The following COL28A1 variants were observed in gnomAD, a reference collection of about 807,000 sequenced individuals.
COL28A1 encodes collagen type XXVIII alpha 1 chain.
In COL28A1, 161 loss-of-function variants were observed where a neutral mutation model predicts 150.2. The ratio of observed to expected loss-of-function variants is 1.07; its 90% confidence interval spans 0.94 to 1.22. COL28A1 has a LOEUF of 1.22. Ranked by LOEUF, COL28A1 falls within the 50% of genes most tolerant of loss-of-function variation. The probability of loss-of-function intolerance (pLI) is 0.00; values close to 1 mark genes in which losing one functional copy is unlikely to be tolerated. For synonymous variants in COL28A1, 552 were observed against 469.7 expected (o/e 1.18, Z -2.26); for missense variants, 1,617 against 1,388.3 (o/e 1.16, Z -2.62).
In COL28A1 at chr7:7,466,515, A is replaced by T. The variant is rs1167333918; in HGVS notation, c.1302+8086T>A. Among the ~76,000 whole-genome samples the T allele has an allele frequency of 1.9e-4, 18 of 97,074 alleles. 3 individuals carry two copies. Among genetic ancestry groups the T allele is most frequent in the Admixed American group, 4.0e-4 (4 of 10,110 alleles). The allele number at this position is 97,074 out of a possible 152,430, so 63.7% of individuals were successfully genotyped here. A position where few individuals can be genotyped will look rare whatever the true frequency, so the allele number is the denominator to read the frequency against. ...TGAAAGTGATGTGGAGAATGGAACC[A>T]ACTTGGAAAACACTCTGCAGGATAT... On this transcript the variant is annotated intron_variant, in intron 15 of 34. Coordinates refer to ENST00000399429, the MANE Select transcript of COL28A1 (RefSeq NM_001037763.3).
chr7:7,438,320 GGA>G (rs138962531), intron 21 of COL28A1, among the ~76,000 whole-genome samples: 2,344 of 152,266 alleles, frequency 0.015, 69 homozygotes, highest in African/African-American at 0.054. Context: ...ATTTAGTGGG[GGA>G]GATGTCTAAT....
intron 27 of COL28A1, among the ~76,000 whole-genome samples, chr7:7,384,981 G>T (rs1445732454): frequency 1.3e-5 from 2 of 152,182 alleles, no homozygotes; most frequent in African/African-American, 4.8e-5. Flanking sequence ...TCTAATAGGA[G>T]TGGATCTGCA....
intron 27 of COL28A1, among the ~76,000 whole-genome samples, chr7:7,410,682 A>G (rs966686822): frequency 6.6e-6 from 1 of 151,838 alleles, no homozygotes; most frequent in Admixed American, 6.6e-5. Flanking sequence ...TGCAGTCAAG[A>G]AGGAGAAAAA....
chr7:7,408,498 A>G (rs766921067), intron 27 of COL28A1, among the ~76,000 whole-genome samples: 9 of 152,192 alleles, frequency 5.9e-5, no homozygotes, highest in Non-Finnish European at 1.2e-4. Context: ...TAGATTACAT[A>G]CTATGCACTA....
intron 16 of COL28A1, among the ~76,000 whole-genome samples, chr7:7,455,376 A>G (rs1049045454): frequency 1.5e-4 from 23 of 152,204 alleles, no homozygotes; most frequent in Non-Finnish European, 3.2e-4. Context: ...CTATCTTCAC[A>G]TTATTTAGAT....
intron 9 of COL28A1, among the ~76,000 whole-genome samples, chr7:7,509,129 C>A (rs573743973): frequency 6.6e-6 from 1 of 151,846 alleles, no homozygotes; most frequent in African/African-American, 2.4e-5. Context: ...CCACCACGCC[C>A]AGCCTATTTT....
At chr7:7,443,029 C>T (rs1006336608) in intron 20 of COL28A1, among the ~76,000 whole-genome samples, 2 of 139,272 alleles carry the variant, frequency 1.4e-5, no homozygotes, top group African/African-American at 2.9e-5. Flanking sequence ...AGTGAGACTC[C>T]GTCTCAAAAA....
chr7:7,511,604 G>C, intron 8 of COL28A1: 1 of 318,724 alleles, frequency 3.1e-6, no homozygotes, highest in South Asian at 2.8e-5. Flanking sequence ...ACTTTAACTT[G>C]GAATTCCTAT....
At chr7:7,450,326 A>G (rs1389832005) in intron 18 of COL28A1, among the ~76,000 whole-genome samples, 1 of 152,202 alleles carries the variant, frequency 6.6e-6, no homozygotes, top group Non-Finnish European at 1.5e-5. Flanking sequence ...AGAAAAATGC[A>G]TAAGAATATC....
At chr7:7,493,046 CATT>C (rs1780012254) in intron 11 of COL28A1, among the ~76,000 whole-genome samples, 1 of 142,944 alleles carries the variant, frequency 7.0e-6, no homozygotes, top group Non-Finnish European at 1.5e-5. Flanking sequence ...ATATATATAA[CATT>C]AATATATAAT....
chr7:7,439,130 G>T (rs1049581710), intron 21 of COL28A1, among the ~76,000 whole-genome samples: 2 of 152,136 alleles, frequency 1.3e-5, no homozygotes, highest in East Asian at 3.8e-4. Flanking sequence ...CAGTCATCCT[G>T]CTTCCTCCAG....
intron 21 of COL28A1, among the ~76,000 whole-genome samples, chr7:7,440,086 TG>T (rs1785651719): frequency 6.6e-6 from 1 of 152,214 alleles, no homozygotes; most frequent in Admixed American, 6.5e-5. Flanking sequence ...ACCTTAATGG[TG>T]GGTCTCTGAG....
intron 27 of COL28A1, among the ~76,000 whole-genome samples, chr7:7,398,491 C>A (rs1782974829): frequency 6.6e-6 from 1 of 152,180 alleles, no homozygotes; most frequent in Non-Finnish European, 1.5e-5. Flanking sequence ...TTTTGATTTT[C>A]TATCCAATTC....
At position 7,477,174 on chromosome 7, in the gene COL28A1, G is replaced by A. The variant is rs373776262; in HGVS notation, c.1171C>T (p.Arg391Cys). 1.2e-5 allele frequency: 15 copies of A among 1,234,132 alleles called. No individual in the cohort carries two copies. Among genetic ancestry groups the A allele is most frequent in the African/African-American group, 8.8e-5 (6 of 67,834 alleles). The allele number at this position is 1,234,132 out of a possible 1,614,324, so 76.4% of individuals were successfully genotyped here. Residue 391 changes from arginine to cysteine, a missense_variant, in exon 14 of 35, where the codon CGT (arginine) becomes TGT (cysteine). Arg to Cys is a radical substitution (Grantham distance 180). Coordinates refer to ENST00000399429, the MANE Select transcript of COL28A1 (RefSeq NM_001037763.3). ...GVGEPGQPGP[R>C]GPEGVPGERG... ...TCTCCTGGTACTCCCTCAGGACCAC[G>A]GGGACCCTGGTTAGGATAGGAGAAA... is the stretch of plus-strand genomic sequence containing the variant.
intron 27 of COL28A1, among the ~76,000 whole-genome samples, chr7:7,383,390 T>C (rs1781992980): frequency 6.6e-6 from 1 of 151,290 alleles, no homozygotes; most frequent in African/African-American, 2.4e-5. Flanking sequence ...GCGATTCTCC[T>C]GCCTCAGCCT....
intron 27 of COL28A1, among the ~76,000 whole-genome samples, chr7:7,409,459 A>AG (rs1404692321): frequency 6.6e-6 from 1 of 152,048 alleles, no homozygotes; most frequent in Non-Finnish European, 1.5e-5. Flanking sequence ...GGAAAAGGAG[A>AG]GAAAAAAAAC....
Position 7,369,199 on chromosome 7 carries a change from C to G in COL28A1, c.3066+1526G>C, listed in dbSNP as rs569346042. 8.1e-4 allele frequency among the ~76,000 whole-genome samples: 124 copies of G among 152,278 alleles called. 1 individual carries two copies. The highest frequency in any genetic ancestry group is 2.8e-3 in the African/African-American group (118 of 41,546). The stretch of plus-strand genomic sequence containing the variant: ...GGGACAAAGTGGTAAGTCACACAAA[C>G]AGGAGAGGCCCCAGTAGCGGTCCAT... On this transcript the variant is annotated intron_variant, in intron 33 of 34. Transcript: ENST00000399429.
At chr7:7,342,060 C>T in the COL28A1 span, among the ~76,000 whole-genome samples, 1 of 152,068 alleles carries the variant, frequency 6.6e-6, no homozygotes, top group South Asian at 2.1e-4. Context: ...GTGATTTTGG[C>T]TCCGCCTATT....
At chr7:7,382,697 T>A (rs1781937329) in intron 27 of COL28A1, among the ~76,000 whole-genome samples, 1 of 152,124 alleles carries the variant, frequency 6.6e-6, no homozygotes, top group African/African-American at 2.4e-5. Context: ...TCGGGATTGA[T>A]CTGTGGTTTT....
Sources: gnomAD v4.1 joint callset for allele counts (sites outside exome capture counted in the v4.1 genomes callset) on GRCh38, gnomAD v4.1.1 for gene constraint, MANE v1.5 for transcripts, NCBI Gene and HGNC (gene_info 2026-07-23, HGNC 2026-07-21) for gene names.